Variants in LIPC observed in about 807,000 individuals in gnomAD.
LIPC encodes lipase C, hepatic type.
In LIPC, 44 loss-of-function variants were observed where a neutral mutation model predicts 50.7. That is an observed-to-expected ratio of 0.87 (90% CI 0.68 to 1.11). LIPC has a LOEUF of 1.11. LIPC is among the 50% of genes most tolerant of loss of function. The pLI is 0.00. For missense variants in LIPC, 697 were observed against 648.2 expected (o/e 1.08, Z -0.82); for synonymous variants, 271 against 256.4 (o/e 1.06, Z -0.54).
chr15:58,505,208 G>T (rs1892107662), intron 1 of LIPC, among the ~76,000 whole-genome samples: 1 of 152,238 alleles, frequency 6.6e-6, no homozygotes, highest in African/African-American at 2.4e-5. Context: ...AGGGTGCTGG[G>T]CTACAGCAGG....
At chr15:58,565,204 A>G (rs1894321862) in intron 8 of LIPC, 2 of 1,535,610 alleles carry the variant, frequency 1.3e-6, no homozygotes, top group Admixed American at 2.0e-5. Context: ...CAATCTGGGA[A>G]GATTAAACTG....
In LIPC at chr15:58,474,651, T is replaced by C. The variant is rs917297500; in HGVS notation, c.88+42531T>C. Among the ~76,000 whole-genome samples, 11 of 152,192 alleles carry C rather than the reference T, an allele frequency of 7.2e-5. 1 individual carries two copies. Among genetic ancestry groups the C allele is most frequent in the Non-Finnish European group, 1.5e-5 (1 of 68,010 alleles). On this transcript the variant is annotated intron_variant, in intron 1 of 8. Transcript: ENST00000299022. ...ACGTTGAGCCCAAATCAGTTTGACCTTGGGGAACACAGTGAGCATCCCTGC... is the reference window on the plus strand; with the variant it reads ...ACGTTGAGCCCAAATCAGTTTGACCCTGGGGAACACAGTGAGCATCCCTGC...
intron 1 of LIPC, among the ~76,000 whole-genome samples, chr15:58,439,299 A>G (rs1248223647): frequency 1.3e-5 from 2 of 152,202 alleles, no homozygotes; most frequent in Admixed American, 6.5e-5. Flanking sequence ...ATGTAATGTT[A>G]TAGTATGTAT....
intron 1 of LIPC, among the ~76,000 whole-genome samples, chr15:58,457,755 T>A (rs1894186757): frequency 6.6e-6 from 1 of 152,258 alleles, no homozygotes. Context: ...GGTCATTTCC[T>A]TCACATAAAC....
intron 6 of LIPC, 150 bp from the exon 7 acceptor site, chr15:58,560,714 C>T (rs1894129608): frequency 8.4e-6 from 5 of 591,858 alleles, no homozygotes; most frequent in Admixed American, 5.8e-5. Flanking sequence ...AGATAAACCA[C>T]CATTTAGGAG....
At chr15:58,461,719 C>T (rs1219102983) in intron 1 of LIPC, among the ~76,000 whole-genome samples, 1 of 152,034 alleles carries the variant, frequency 6.6e-6, no homozygotes, top group Admixed American at 6.6e-5. Flanking sequence ...GGCCCCGCCA[C>T]CTATGTTCTT....
At chr15:58,513,543 A>T (rs1201588410) in intron 1 of LIPC, among the ~76,000 whole-genome samples, 1 of 152,206 alleles carries the variant, frequency 6.6e-6, no homozygotes, top group Non-Finnish European at 1.5e-5. Flanking sequence ...CCCCCTAAAA[A>T]CAGACCTCAG....
In LIPC at chr15:58,472,096, C is replaced by T. The variant is rs1329481376; in HGVS notation, c.88+39976C>T. Among the ~76,000 whole-genome samples, 11 of 151,590 alleles carry T rather than the reference C, an allele frequency of 7.3e-5. 1 individual carries two copies. Among genetic ancestry groups the T allele is most frequent in the African/African-American group, 1.2e-4 (5 of 41,212 alleles). On this transcript the variant is annotated intron_variant, in intron 1 of 8. Transcript: ENST00000299022. ...ACCAGCCTGATCAACATCGTGAAAC[C>T]CCATCTCTACGAAAAATACAAAAAA...
rs139328592 is a variant in LIPC at position 58,432,049 on chromosome 15, T to A, written c.17T>A (p.Leu6Gln). MDTSPLCFSILLVLCI... is the reference protein window; with the variant it reads MDTSPQCFSILLVLCI... Reference sequence around the variant, plus strand: ...AACGGAGAAATGGACACAAGTCCCCTGTGTTTCTCCATTCTGTTGGTTTTA... The same window carrying A: ...AACGGAGAAATGGACACAAGTCCCCAGTGTTTCTCCATTCTGTTGGTTTTA... Residue 6 changes from leucine (L) to glutamine (Q), a missense_variant, in exon 1 of 9, where the codon CTG becomes CAG. Coordinates refer to ENST00000299022, the MANE Select transcript of LIPC (RefSeq NM_000236.3). 2 of 1,613,860 alleles carry A rather than the reference T, an allele frequency of 1.2e-6. No individual in the cohort carries two copies. The highest frequency in any genetic ancestry group is 1.3e-5 in the African/African-American group (1 of 75,052).
chr15:58,476,224 C>G (rs1376453194), intron 1 of LIPC, among the ~76,000 whole-genome samples: 2 of 152,270 alleles, frequency 1.3e-5, no homozygotes, highest in African/African-American at 4.8e-5. Flanking sequence ...CACCCAGGTT[C>G]TCAGAGTCTC....
At chr15:58,544,391 C>CTTT (rs572161614) in intron 4 of LIPC, among the ~76,000 whole-genome samples, 4,972 of 109,626 alleles carry the variant, frequency 0.045, 240 homozygotes, top group South Asian at 0.075. Context: ...TTCTTTTTCT[C>CTTT]TTTCTTTTTT....
chr15:58,443,807 C>A (rs1183130991), intron 1 of LIPC, among the ~76,000 whole-genome samples: 4 of 152,162 alleles, frequency 2.6e-5, no homozygotes, highest in African/African-American at 9.7e-5. Context: ...TTAGTTCTTA[C>A]AGGTTTTGGG....
At chr15:58,493,897 A>C (rs570309702) in intron 1 of LIPC, among the ~76,000 whole-genome samples, 1 of 152,184 alleles carries the variant, frequency 6.6e-6, no homozygotes, top group Non-Finnish European at 1.5e-5. Context: ...GGGTACTGAA[A>C]GGAATGAATT....
chr15:58,563,625 G>A lies in LIPC; in HGVS notation c.1290G>A (p.Trp430Ter). The A allele has an allele frequency of 6.2e-7, 1 of 1,614,150 alleles. No individual in the cohort carries two copies. The highest frequency in any genetic ancestry group is 8.5e-7 in the Non-Finnish European group (1 of 1,180,032). ...WENSAVWANV[W>*]DTVQTIIPWS... ...ACAGTGCAGTGTGGGCCAATGTCTG[G>A]GACACGGTCCAGACCATCATCCCAT... Residue 430 changes from tryptophan (W) to a stop codon, truncating the protein, a stop_gained, in exon 8 of 9, where the codon TGG (tryptophan) becomes TGA (stop). Transcript: ENST00000299022. LOFTEE classifies it high-confidence loss of function.
intron 1 of LIPC, among the ~76,000 whole-genome samples, chr15:58,514,751 G>C (rs923164018): frequency 6.6e-6 from 1 of 152,204 alleles, no homozygotes; most frequent in African/African-American, 2.4e-5. Context: ...CTGAACCCAG[G>C]AGGCAGAGGT....
At chr15:58,537,755 C>A (rs1476135617) in intron 1 of LIPC, among the ~76,000 whole-genome samples, 2 of 152,192 alleles carry the variant, frequency 1.3e-5, no homozygotes, top group African/African-American at 4.8e-5. Flanking sequence ...CCTCAAGCGG[C>A]ATCCACTACT....
intron 1 of LIPC, among the ~76,000 whole-genome samples, chr15:58,506,982 C>A (rs147815984): frequency 2.5e-3 from 381 of 152,256 alleles, no homozygotes; most frequent in African/African-American, 8.8e-3. Flanking sequence ...AAATGCCCAG[C>A]GAAGGGGTAG....
chr15:58,450,123 G>T (rs1566910855), intron 1 of LIPC, among the ~76,000 whole-genome samples: 1 of 152,150 alleles, frequency 6.6e-6, no homozygotes, highest in Non-Finnish European at 1.5e-5. Flanking sequence ...AGACCCCCAA[G>T]GAGCTTACTT....
intron 1 of LIPC, among the ~76,000 whole-genome samples, chr15:58,478,066 A>C (rs1011081893): frequency 6.6e-6 from 1 of 151,974 alleles, no homozygotes; most frequent in Non-Finnish European, 1.5e-5. Flanking sequence ...CTCCCCCCAT[A>C]GCTCAGTGTA....
Sources: gnomAD v4.1 joint callset for allele counts (sites outside exome capture counted in the v4.1 genomes callset) on GRCh38, gnomAD v4.1.1 for gene constraint, MANE v1.5 for transcripts, NCBI Gene and HGNC (gene_info 2026-07-23, HGNC 2026-07-21) for gene names.